The following SAV1 variants were observed in gnomAD, a reference collection of about 807,000 sequenced individuals.
The protein encoded by SAV1 is protein salvador homolog 1.
In SAV1, 23 loss-of-function variants were observed where a neutral mutation model predicts 47.3. The ratio of observed to expected loss-of-function variants is 0.49; its 90% confidence interval spans 0.35 to 0.69. The LOEUF (loss-of-function observed/expected upper bound fraction) is 0.69. SAV1 is among the 30% of genes least tolerant of loss of function. The pLI, the probability that SAV1 is intolerant of heterozygous loss-of-function variation, is 0.01. For synonymous variants in SAV1, 155 were observed against 159.2 expected, an observed-to-expected ratio of 0.97 and a Z score of 0.20; for missense variants, 448 against 457.4, an observed-to-expected ratio of 0.98 and a Z score of 0.19.
chr14:50,666,304 C>T (rs1201752669), intron 1 of SAV1, among the ~76,000 whole-genome samples: 3 of 152,062 alleles, frequency 2.0e-5, no homozygotes, highest in Admixed American at 2.0e-4. Context: ...AATTATAATT[C>T]AAAATAGTAG....
intron 2 of SAV1, chr14:50,662,812 CAGTAAACATAGCTA>C (rs1320010276): frequency 1.3e-5 from 2 of 152,214 alleles, no homozygotes; most frequent in African/African-American, 4.8e-5. Flanking sequence ...TCTATATTAA[CAGTAAACATAGCTA>C]TTTCTGTTCT....
Position 50,658,251 on chromosome 14 carries a change from T to G in SAV1, c.535+6928A>C, listed in dbSNP as rs115861804. ...TTGATAAAGCTCACACTTTTCAGTC[T>G]GATTTTTGTATCCTGATTTCTTTAG... On this transcript the variant is annotated intron_variant, in intron 2 of 4. Coordinates refer to ENST00000324679, the MANE Select transcript of SAV1 (RefSeq NM_021818.4). Among the ~76,000 whole-genome samples, 919 of 152,350 alleles carry G rather than the reference T, an allele frequency of 6.0e-3. 11 individuals carry two copies. The highest frequency in any genetic ancestry group is 0.021 in the African/African-American group (863 of 41,586).
chr14:50,667,941 G>C lies in SAV1; in HGVS notation c.27C>G (p.Asn9Lys), dbSNP rs1189977134. 3 of 1,611,820 alleles carry C rather than the reference G, an allele frequency of 1.9e-6. No homozygotes were observed. The African/African-American group carries it at 4.0e-5, about 22-fold the overall frequency. Reference sequence around the variant, plus strand: ...GCACCTCGGCCGGCTTGGACACTTCGTTTTTGGTTTTCTTTCGGGACAGCA... The same window carrying C: ...GCACCTCGGCCGGCTTGGACACTTCCTTTTTGGTTTTCTTTCGGGACAGCA... MLSRKKTK[N>K]EVSKPAEVQG... The change falls in exon 1 of 5, where the codon AAC (asparagine) becomes AAG (lysine). Residue 9 changes from asparagine to lysine, a missense_variant. Asn to Lys is a moderately conservative substitution (Grantham distance 94, BLOSUM62 0). Transcript: ENST00000324679.
At chr14:50,656,309 T>C (rs2140260140) in intron 2 of SAV1, among the ~76,000 whole-genome samples, 1 of 152,226 alleles carries the variant, frequency 6.6e-6, no homozygotes, top group East Asian at 1.9e-4. Flanking sequence ...AGCCATGAAG[T>C]ACCCAAAAAG....
chr14:50,637,664 GTTTTTTTTTT>G (rs373647297), intron 4 of SAV1: 5 of 58,264 alleles, frequency 8.6e-5, no homozygotes, highest in East Asian at 1.1e-3. Flanking sequence ...AATTTTGTCA[GTTTTTTTTTT>G]TTTTTTTTTT....
chr14:50,663,511 G>A (rs934453156), intron 2 of SAV1, among the ~76,000 whole-genome samples: 5 of 152,212 alleles, frequency 3.3e-5, no homozygotes, highest in African/African-American at 1.2e-4. Context: ...GCCTCTTACT[G>A]CATTTCCACA....
intron 2 of SAV1, chr14:50,662,960 A>C (rs1261976513): frequency 1.3e-5 from 2 of 151,842 alleles, no homozygotes; most frequent in Non-Finnish European, 2.9e-5. Flanking sequence ...ATCCTATCTG[A>C]CTCTTCCCTC....
rs12588114 is a variant in SAV1 at position 50,642,144 on chromosome 14, T to G, written c.807-1251A>C. Reference sequence around the variant, plus strand: ...ATACCACATGTTGATAGGTAGGAGCTAAACACTGAGTACACATGGACACAA... The same window carrying G: ...ATACCACATGTTGATAGGTAGGAGCGAAACACTGAGTACACATGGACACAA... On this transcript the variant is annotated intron_variant, in intron 3 of 4. Transcript: ENST00000324679. 3.2e-4 allele frequency among the ~76,000 whole-genome samples: 48 copies of G among 152,196 alleles called. No individual in the cohort carries two copies. The East Asian group carries it at 6.6e-3, about 21-fold the overall frequency.
intron 2 of SAV1, among the ~76,000 whole-genome samples, chr14:50,656,674 C>A (rs1367464349): frequency 6.6e-6 from 1 of 152,088 alleles, no homozygotes; most frequent in Admixed American, 6.6e-5. Flanking sequence ...GATCTCCTGA[C>A]CTCATGATCC....
chr14:50,634,873 C>T lies in SAV1; in HGVS notation c.*310G>A, dbSNP rs901381672. On this transcript the variant is annotated 3_prime_UTR_variant, in exon 5 of 5. Transcript: ENST00000324679. ...AGGTACTACTGCTGTAAGAAGTTAA[C>T]AAGTAATAATTTCCTATTTAACATC... 1.4e-5 allele frequency: 3 copies of T among 217,212 alleles called. No individual in the cohort carries two copies. The highest frequency in any genetic ancestry group is 2.7e-5 in the Non-Finnish European group (3 of 110,934). 13.5% of individuals were successfully genotyped at this position (217,212 alleles called of 1,614,324 possible).
chr14:50,650,889 G>A (rs562518255), intron 2 of SAV1, among the ~76,000 whole-genome samples: 1 of 152,122 alleles, frequency 6.6e-6, no homozygotes, highest in Admixed American at 6.5e-5. Flanking sequence ...TGGGCGTGGC[G>A]GCACATGCCT....
intron 3 of SAV1, 91 bp from the exon 4 acceptor site, chr14:50,640,984 AGT>A: frequency 8.0e-7 from 1 of 1,248,752 alleles, no homozygotes; most frequent in South Asian, 1.7e-5. Context: ...AGCATTTTTC[AGT>A]GTGCCTTCTG....
chr14:50,645,941 G>C (rs1050820761), intron 2 of SAV1, among the ~76,000 whole-genome samples: 8 of 152,036 alleles, frequency 5.3e-5, no homozygotes, highest in African/African-American at 1.7e-4. Flanking sequence ...GAATTGTGCA[G>C]GACCAATATG....
At chr14:50,637,074 T>G (rs2039640883) in intron 4 of SAV1, among the ~76,000 whole-genome samples, 1 of 152,232 alleles carries the variant, frequency 6.6e-6, no homozygotes, top group African/African-American at 2.4e-5. Context: ...CTTGGCATTT[T>G]GACATGTTTC....
intron 2 of SAV1, among the ~76,000 whole-genome samples, chr14:50,663,414 A>G (rs969593178): frequency 9.9e-5 from 15 of 152,254 alleles, no homozygotes; most frequent in African/African-American, 3.4e-4. Context: ...TCAGAACTGC[A>G]TATCAGAAAT....
At chr14:50,641,826 T>C (rs978034900) in intron 3 of SAV1, among the ~76,000 whole-genome samples, 4 of 152,218 alleles carry the variant, frequency 2.6e-5, no homozygotes, top group African/African-American at 9.6e-5. Flanking sequence ...AACTTAGAAC[T>C]ATCATTCAAT....
chr14:50,649,645 T>C (rs2039751079), intron 2 of SAV1, among the ~76,000 whole-genome samples: 2 of 152,262 alleles, frequency 1.3e-5, no homozygotes, highest in Admixed American at 1.3e-4. Flanking sequence ...CTGGTGCATG[T>C]TCTAACACAG....
At chr14:50,667,656 T>TGG (rs1159678854) in intron 1 of SAV1, among the ~76,000 whole-genome samples, 1 of 54,392 alleles carries the variant, frequency 1.8e-5, no homozygotes, top group Admixed American at 2.3e-4. Context: ...GGGGTGCTCT[T>TGG]GGGGGGGTTA....
intron 4 of SAV1, 149 bp downstream of exon 4, chr14:50,640,601 A>T: frequency 1.9e-6 from 1 of 516,444 alleles, no homozygotes; most frequent in Non-Finnish European, 3.3e-6. Context: ...ATTATAAACT[A>T]TGACATCCTT....
Sources: allele counts gnomAD v4.1 joint callset (sites outside exome capture counted in the v4.1 genomes callset), GRCh38; gene constraint gnomAD v4.1.1; transcripts MANE v1.5; gene names NCBI Gene and HGNC (gene_info 2026-07-23, HGNC 2026-07-21).